FMNL1: variants seen among roughly 807,000 people sequenced by gnomAD.
FMNL1 encodes the protein formin like 1, also known as formin-like protein 1.
FMNL1 carries 43 observed loss-of-function variants against 121.3 expected under a neutral mutation model. The ratio of observed to expected loss-of-function variants is 0.35; its 90% CI spans 0.28 to 0.46. The LOEUF (loss-of-function observed/expected upper bound fraction) is 0.46. Among genes scored for constraint, FMNL1 ranks in the 20% least tolerant of loss-of-function variants. The pLI is 1.00. For synonymous variants in FMNL1, 613 were observed against 613.5 expected (o/e 1.00, Z 0.01); for missense variants, 1,191 against 1,482.4 (o/e 0.80, Z 3.23).
intron 6 of FMNL1, among the ~76,000 whole-genome samples, chr17:45,235,583 A>G (rs138552294): frequency 1.3e-5 from 2 of 152,290 alleles, no homozygotes; most frequent in East Asian, 1.9e-4. Context: ...AACATCACAC[A>G]TTTGTTGGCG....
At chr17:45,234,401 A>T in intron 6 of FMNL1, 1 of 812,534 alleles carries the variant, frequency 1.2e-6, no homozygotes, top group South Asian at 1.6e-5. Flanking sequence ...GCTGTGGCTC[A>T]TGCCTGTAAT....
intron 1 of FMNL1, among the ~76,000 whole-genome samples, chr17:45,228,082 C>T (rs2143235051): frequency 6.6e-6 from 1 of 152,292 alleles, no homozygotes; most frequent in East Asian, 1.9e-4. Context: ...TCGCTGAAGG[C>T]CCTGGTCTGG....
intron 6 of FMNL1, among the ~76,000 whole-genome samples, chr17:45,235,911 G>T (rs2043539224): frequency 6.6e-6 from 1 of 152,216 alleles, no homozygotes; most frequent in Non-Finnish European, 1.5e-5. Context: ...AAGTCCCTGG[G>T]AAGTGTCTTT....
chr17:45,237,337 C>T lies in FMNL1; in HGVS notation c.780C>T (p.Ser260=). ...CCTGTGTCAATGAGATTGCTCTGAG[C>T]CTCAACAACAAGAACCCCAGGTGAG... The part of the protein sequence containing the change: ...HPACVNEIAL[S]LNNKNPRTKA... Residue 260 remains serine, a synonymous_variant, in exon 8 of 27, where the codon AGC becomes AGT. Transcript: ENST00000331495. This position sits in a 1 kb window ranked among gnomAD's most constrained non-coding sequence, Gnocchi z 4.4. 14 of 1,614,186 alleles carry T rather than the reference C, an allele frequency of 8.7e-6. No individual in the cohort carries two copies. Among genetic ancestry groups the T allele is most frequent in the Non-Finnish European group, 1.2e-5 (14 of 1,180,028 alleles).
chr17:45,240,509 G>A lies in FMNL1; in HGVS notation c.1114G>A (p.Val372Met). 6.2e-7 allele frequency: 1 copy of A among 1,613,790 alleles called. No individual in the cohort carries two copies. Among genetic ancestry groups the A allele is most frequent in the Non-Finnish European group, 8.5e-7 (1 of 1,179,884 alleles). Residue 372 changes from valine to methionine, a missense_variant, in exon 12 of 27, where the codon GTG (valine) becomes ATG (methionine). This residue lies in a region of FMNL1 where 519 missense variants were observed against 492.8 expected (regional missense o/e 1.05). Coordinates refer to ENST00000331495, the MANE Select transcript of FMNL1 (RefSeq NM_005892.4). ...GCTCACCGAGAGTGACAAGCTGCAG[G>A]TGCAGATCCAGGCGTACCTGGACAA... ...LRLTESDKLQ[V>M]QIQAYLDNIF... is the part of the protein sequence containing the mutation.
intron 1 of FMNL1, among the ~76,000 whole-genome samples, chr17:45,229,198 C>T (rs921502205): frequency 6.6e-6 from 1 of 152,216 alleles, no homozygotes; most frequent in Non-Finnish European, 1.5e-5. Context: ...CCCCTTCAGC[C>T]GCTGGGGGCG....
chr17:45,237,708 T>C lies in FMNL1; in HGVS notation c.894+69T>C. 2 of 1,559,364 alleles carry C rather than the reference T, an allele frequency of 1.3e-6. No individual in the cohort carries two copies. The highest frequency in any genetic ancestry group is 2.2e-5 in the South Asian group (2 of 89,014). ...TTGCTTGGAGTCTTGTTGTTGGCAG[T>C]TGTGGCCTTTGCTGGAGGCAGCTGG... is the stretch of plus-strand genomic sequence containing the variant. On this transcript the variant is annotated intron_variant, in intron 9 of 26. Coordinates refer to ENST00000331495, the MANE Select transcript of FMNL1 (RefSeq NM_005892.4). The surrounding 1 kb of genome is among the most constrained non-coding windows in gnomAD (Gnocchi z 4.4).
In FMNL1 at chr17:45,241,028, C is replaced by T; in HGVS notation, c.1231-101C>T. 7.0e-7 allele frequency: 1 copy of T among 1,433,850 alleles called. No homozygotes were observed. Among genetic ancestry groups the T allele is most frequent in the South Asian group, 1.2e-5 (1 of 84,326 alleles). 88.8% of individuals were successfully genotyped at this position (1,433,850 alleles called of 1,614,324 possible). A position where few individuals can be genotyped will look rare whatever the true frequency, so the allele number is the denominator to read the frequency against. ...CACCTGGGCTGAGCGGATCTGGGAG[C>T]CTCCCCCAGTCTTCCAGGCAGGCAT... On this transcript the variant is annotated intron_variant, in intron 12 of 26. Transcript: ENST00000331495. This position sits in a 1 kb window ranked among gnomAD's most constrained non-coding sequence, Gnocchi z 7.0.
intron 1 of FMNL1, among the ~76,000 whole-genome samples, chr17:45,227,130 GT>G (rs1275388523): frequency 6.6e-6 from 1 of 152,086 alleles, no homozygotes; most frequent in Admixed American, 6.5e-5. Flanking sequence ...AGGAAAGCCT[GT>G]GGGGCTGGCC....
At chr17:45,235,065 G>A (rs1318463570) in intron 6 of FMNL1, among the ~76,000 whole-genome samples, 1 of 152,236 alleles carries the variant, frequency 6.6e-6, no homozygotes, top group Non-Finnish European at 1.5e-5. Flanking sequence ...GGGTCTAGAG[G>A]ATTGATTGCA....
rs181564542 is a variant in FMNL1, at chr17:45,246,297, G to A, written c.3178G>A (p.Asp1060Asn). 110 of 1,613,984 alleles carry A rather than the reference G, an allele frequency of 6.8e-5. 1 individual carries two copies. The Admixed American group carries it at 1.6e-3, about 24-fold the overall frequency. The change falls in exon 25 of 27, where the codon GAC (aspartate) becomes AAC (asparagine). Residue 1060 changes from aspartate (D) to asparagine (N), a missense_variant. Coordinates refer to ENST00000331495, the MANE Select transcript of FMNL1 (RefSeq NM_005892.4). ...QQKEPLIYES[D>N]RDGAIEDIIT... Reference sequence around the variant, plus strand: ...GAAGGAGCCACTCATTTATGAGAGCGACCGTGATGGGGCCATTGAAGACAT... The same window carrying A: ...GAAGGAGCCACTCATTTATGAGAGCAACCGTGATGGGGCCATTGAAGACAT...
intron 1 of FMNL1, among the ~76,000 whole-genome samples, chr17:45,222,572 C>T (rs2043250286): frequency 6.6e-6 from 1 of 151,982 alleles, no homozygotes; most frequent in African/African-American, 2.4e-5. Context: ...CGGGTCGCCC[C>T]CTTCCCCACT....
intron 21 of FMNL1, 29 bp from the exon 22 acceptor site, chr17:45,245,224 G>T: frequency 6.2e-7 from 1 of 1,613,858 alleles, no homozygotes; most frequent in South Asian, 1.1e-5. Flanking sequence ...CCGATTCACT[G>T]ACCTGATACT....
intron 1 of FMNL1, among the ~76,000 whole-genome samples, chr17:45,226,204 G>C (rs758627720): frequency 1.3e-4 from 20 of 152,250 alleles, no homozygotes; most frequent in Non-Finnish European, 2.4e-4. Flanking sequence ...GAAACCGCTG[G>C]AGGGAGGGCC....
Position 45,242,505 on chromosome 17 carries a change from G to C in FMNL1, c.2010+40G>C, listed in dbSNP as rs199787194. On this transcript the variant is annotated intron_variant, in intron 16 of 26. Transcript: ENST00000331495. ...CTGGCTCCCCATGTGGGCACCGGAG[G>C]AAGAGGGGAGTTGCCTGGATCAGGC... The C allele has an allele frequency of 1.9e-6, 3 of 1,598,740 alleles. No individual in the cohort carries two copies. In the East Asian group the frequency reaches 6.7e-5, roughly 36 times the overall value.
intron 6 of FMNL1, among the ~76,000 whole-genome samples, chr17:45,235,808 G>C (rs1453421087): frequency 6.6e-6 from 1 of 152,186 alleles, no homozygotes; most frequent in South Asian, 2.1e-4. Context: ...TCAGATCTGC[G>C]TCTTACATTG....
intron 24 of FMNL1, 61 bp downstream of exon 24, chr17:45,246,034 T>A: frequency 6.6e-7 from 1 of 1,516,262 alleles, no homozygotes; most frequent in Non-Finnish European, 8.8e-7. Context: ...CTCATCACCC[T>A]CTGGTGCCAC....
In FMNL1 at chr17:45,231,716, G is replaced by A. The variant is rs1457279861; in HGVS notation, c.214-651G>A. Reference sequence around the variant, plus strand: ...GGGGGATTAGGAATTGCATCACTGAGCACAGGAGAGGAGCACGCAGGTTCC... The same window carrying A: ...GGGGGATTAGGAATTGCATCACTGAACACAGGAGAGGAGCACGCAGGTTCC... On this transcript the variant is annotated intron_variant, in intron 2 of 26. Coordinates refer to ENST00000331495, the MANE Select transcript of FMNL1 (RefSeq NM_005892.4). The surrounding 1 kb of genome is among the most constrained non-coding windows in gnomAD (Gnocchi z 4.7). 6.6e-6 allele frequency among the ~76,000 whole-genome samples: 1 copy of A among 152,128 alleles called. No homozygotes were observed. The highest frequency in any genetic ancestry group is 1.5e-5 in the Non-Finnish European group (1 of 68,008).
Position 45,247,243 on chromosome 17 carries a change from GC to G in FMNL1, c.*390del. The G allele has an allele frequency of 2.2e-6, 1 of 452,934 alleles. No individual in the cohort carries two copies. The highest frequency in any genetic ancestry group is 4.0e-6 in the Non-Finnish European group (1 of 253,092). 28.1% of individuals were successfully genotyped at this position (452,934 alleles called of 1,614,324 possible). ...GCCTGTAACTTATAAAGTGCACCTC[GC>G]CCCCGCAAGCCCCAGCCCCGAGGAC... On this transcript the variant is annotated 3_prime_UTR_variant, in exon 27 of 27. Transcript: ENST00000331495.
Sources: gnomAD v4.1 joint callset for allele counts (sites outside exome capture counted in the v4.1 genomes callset) on GRCh38, gnomAD v4.1.1 for gene constraint, gnomAD v4.1.1 regional missense constraint, Gnocchi (gnomAD v3.1) non-coding constraint, MANE v1.5 for transcripts, NCBI Gene and HGNC (gene_info 2026-07-23, HGNC 2026-07-21) for gene names.